The following ZNF683 variants were observed in gnomAD, a reference collection of about 807,000 sequenced individuals.
The protein encoded by ZNF683 is tissue-resident T-cell transcription regulator protein ZNF683.
Under a neutral mutation model 31.4 loss-of-function variants are expected in ZNF683, and 20 were observed. That is an observed-to-expected ratio of 0.64 (90% CI 0.45 to 0.93). ZNF683 has a LOEUF of 0.93. Among genes scored for constraint, ZNF683 ranks in the 40% least tolerant of loss-of-function variants. The pLI is 0.00. For synonymous variants in ZNF683, 264 were observed against 267.6 expected, an observed-to-expected ratio of 0.99 and a Z score of 0.13; for missense variants, 621 against 637.2, an observed-to-expected ratio of 0.97 and a Z score of 0.27.
At chr1:26,370,203 C>A (rs955887255) in intron 1 of ZNF683, among the ~76,000 whole-genome samples, 1 of 152,108 alleles carries the variant, frequency 6.6e-6, no homozygotes, top group African/African-American at 2.4e-5. Flanking sequence ...ACCAGAGGCC[C>A]CCCACCAAGG....
chr1:26,369,244 A>AAAAAT (rs1166445962), intron 1 of ZNF683, among the ~76,000 whole-genome samples: 2 of 151,484 alleles, frequency 1.3e-5, no homozygotes, highest in Non-Finnish European at 2.9e-5. Context: ...GACTCCTTCT[A>AAAAAT]AAAATAAAAT....
At position 26,368,575 on chromosome 1, in the gene ZNF683, C is replaced by A. The variant is rs759285368; in HGVS notation, c.-4G>T. 6.3e-7 allele frequency: 1 copy of A among 1,596,818 alleles called. No homozygotes were observed. The highest frequency in any genetic ancestry group is 1.8e-5 in the Admixed American group (1 of 57,122). On this transcript the variant is annotated 5_prime_UTR_variant, in exon 2 of 6. Coordinates refer to ENST00000349618, the MANE Select transcript of ZNF683 (RefSeq NM_001114759.3). ...GTGCAGCTGATTCTTCCTTCATATC[C>A]CCATTACCTGCTGGGAAACAGGTGA...
chr1:26,367,095 T>G (rs552370381), intron 3 of ZNF683, among the ~76,000 whole-genome samples: 13 of 152,052 alleles, frequency 8.5e-5, no homozygotes, highest in Non-Finnish European at 1.8e-4. Flanking sequence ...CAAAACCCTG[T>G]CTTTACTAAA....
rs1032267822 is a variant in ZNF683 at position 26,361,908 on chromosome 1, G to A, written c.1258C>T (p.His420Tyr). The A allele has an allele frequency of 6.2e-7, 1 of 1,614,032 alleles. No individual in the cohort carries two copies. Among genetic ancestry groups the A allele is most frequent in the Non-Finnish European group, 8.5e-7 (1 of 1,179,910 alleles). ...VCRSRFTQHI[H>Y]LKLHHRLHAP... ...TGCAGCCGATGGTGCAGCTTCAGGTGGATGTGCTGGGTGAAGCGACTCCGG... is the reference window on the plus strand; with the variant it reads ...TGCAGCCGATGGTGCAGCTTCAGGTAGATGTGCTGGGTGAAGCGACTCCGG... The change falls in exon 6 of 6, where the codon CAC becomes TAC. Residue 420 changes from histidine to tyrosine, a missense_variant. By Grantham distance (83) the His-to-Tyr change is moderately conservative. Coordinates refer to ENST00000349618, the MANE Select transcript of ZNF683 (RefSeq NM_001114759.3).
At chr1:26,368,722 C>A in intron 1 of ZNF683, 137 bp from the exon 2 acceptor site, 1 of 992,074 alleles carries the variant, frequency 1.0e-6, no homozygotes, top group Non-Finnish European at 1.4e-6. Context: ...TTTCCCTATC[C>A]GCAAAATGGG....
intron 4 of ZNF683, 80 bp downstream of exon 4, chr1:26,364,452 T>G: frequency 6.5e-7 from 1 of 1,529,520 alleles, no homozygotes; most frequent in South Asian, 1.2e-5. Flanking sequence ...TTTGAGGTCC[T>G]TGCTTCTAGA....
chr1:26,367,103 A>G (rs906940187), intron 3 of ZNF683, among the ~76,000 whole-genome samples: 1 of 152,218 alleles, frequency 6.6e-6, no homozygotes. Flanking sequence ...TGTCTTTACT[A>G]AAAATACAAA....
chr1:26,365,020 G>A lies in ZNF683; in HGVS notation c.526C>T (p.Pro176Ser). ...TCCTTGGAGATGGAGTTGACAGGGG[G>A]ACAGGGGCAGAAAGCCAAGGGGCTG... ...SPSPLAFCPC[P>S]PVNSISKELP... The change falls in exon 4 of 6, where the codon CCC (proline) becomes TCC (serine). Residue 176 changes from proline to serine, a missense_variant. Physicochemically the swap from Pro to Ser is moderately conservative, Grantham distance 74 (BLOSUM62 -1). Transcript: ENST00000349618. 6.3e-7 allele frequency: 1 copy of A among 1,588,800 alleles called. No individual in the cohort carries two copies. Among genetic ancestry groups the A allele is most frequent in the Non-Finnish European group, 8.6e-7 (1 of 1,169,428 alleles).
chr1:26,362,140 G>A, intron 5 of ZNF683, 118 bp from the exon 6 acceptor site: 2 of 1,612,234 alleles, frequency 1.2e-6, no homozygotes, highest in Non-Finnish European at 1.7e-6. Flanking sequence ...AGGCCTGGAA[G>A]CTTTTCCAGT....
upstream of ZNF683, among the ~76,000 whole-genome samples, chr1:26,373,820 C>A (rs1022892769): frequency 6.6e-6 from 1 of 152,170 alleles, no homozygotes; most frequent in African/African-American, 2.4e-5. Flanking sequence ...CCTTTACAAA[C>A]AGCTTTCTTG....
chr1:26,364,342 G>C (rs2074460510), intron 4 of ZNF683, among the ~76,000 whole-genome samples, 190 bp downstream of exon 4: 2 of 152,122 alleles, frequency 1.3e-5, no homozygotes. Flanking sequence ...AGTCCTCTAG[G>C]GTGGCGAGGA....
intron 1 of ZNF683, chr1:26,370,562 C>T (rs1164163002): frequency 1.4e-5 from 11 of 813,274 alleles, no homozygotes; most frequent in African/African-American, 1.9e-5. Flanking sequence ...TGTCTCAGCC[C>T]TCTAAAACCC....
rs1238781320 is a variant in ZNF683 at position 26,368,579 on chromosome 1, T to C, written c.-8A>G. On this transcript the variant is annotated 5_prime_UTR_variant, in exon 2 of 6. The change abolishes an upstream ATG in the 5' untranslated region. Transcript: ENST00000349618. ...AGCTGATTCTTCCTTCATATCCCCA[T>C]TACCTGCTGGGAAACAGGTGAGTTA... 6.3e-7 allele frequency: 1 copy of C among 1,596,260 alleles called. No homozygotes were observed. The highest frequency in any genetic ancestry group is 8.5e-7 in the Non-Finnish European group (1 of 1,171,776).
At chr1:26,368,942 A>G (rs557903861) in intron 1 of ZNF683, among the ~76,000 whole-genome samples, 1 of 151,680 alleles carries the variant, frequency 6.6e-6, no homozygotes, top group East Asian at 2.0e-4. Context: ...TGAGACCCCC[A>G]TCTCTACAAA....
intron 3 of ZNF683, 35 bp from the exon 4 acceptor site, chr1:26,365,261 A>G (rs1486421816): frequency 5.2e-6 from 8 of 1,541,776 alleles, no homozygotes; most frequent in Non-Finnish European, 7.0e-6. Context: ...AGATCCCCAC[A>G]GTCTGGGGTG....
rs1183369612 is a variant in ZNF683 at position 26,364,595 on chromosome 1, ATTC to A, written c.948_950del (p.Lys316del). 4 of 1,613,970 alleles carry A rather than the reference ATTC, an allele frequency of 2.5e-6. No individual in the cohort carries two copies. Among genetic ancestry groups the A allele is most frequent in the East Asian group, 2.2e-5 (1 of 44,882 alleles). ...TGTTGCACTCGTACAGGATTTTGCC[ATTC>A]TTCTTTTTCAGCGGGTAAGGCAAGG... On this transcript the variant is annotated inframe_deletion, in exon 4 of 6. Coordinates refer to ENST00000349618, the MANE Select transcript of ZNF683 (RefSeq NM_001114759.3).
chr1:26,373,371 G>C (rs867102983), upstream of ZNF683: 14 of 152,254 alleles, frequency 9.2e-5, no homozygotes, highest in African/African-American at 3.1e-4. Flanking sequence ...CTGGGCAACA[G>C]AGTGAGGCTC....
In ZNF683 at chr1:26,363,130, C is replaced by T; in HGVS notation, c.1039G>A (p.Glu347Lys). ...LKVHLRVHSG[E>K]RPFQCALCQK... ...CACAAGGCACACTGGAATGGACGCT[C>T]TCCACTGTGCACACGCAGGTGGACC... Residue 347 changes from glutamate to lysine, a missense_variant, in exon 5 of 6, where the codon GAG becomes AAG. Coordinates refer to ENST00000349618, the MANE Select transcript of ZNF683 (RefSeq NM_001114759.3). The T allele has an allele frequency of 1.2e-6, 2 of 1,612,362 alleles. No homozygotes were observed. Among genetic ancestry groups the T allele is most frequent in the Non-Finnish European group, 1.7e-6 (2 of 1,179,062 alleles).
upstream of ZNF683, among the ~76,000 whole-genome samples, chr1:26,373,032 G>A (rs537861742): frequency 8.1e-4 from 124 of 152,304 alleles, 1 homozygote; most frequent in African/African-American, 2.7e-3. Context: ...GTCTGGCCCA[G>A]GGTACAAAAG....
Sources: allele counts gnomAD v4.1 joint callset (sites outside exome capture counted in the v4.1 genomes callset), GRCh38; gene constraint gnomAD v4.1.1; transcripts MANE v1.5; gene names NCBI Gene and HGNC (gene_info 2026-07-23, HGNC 2026-07-21).